Variants in WNK2 observed in about 807,000 individuals in gnomAD.
WNK2 encodes serine/threonine-protein kinase WNK2.
WNK2 carries 67 observed loss-of-function variants against 192.1 expected under a neutral mutation model. The observed-to-expected ratio is 0.35, with a 90% CI of 0.29 to 0.43. WNK2 has a LOEUF of 0.43. WNK2 is among the 20% of genes least tolerant of loss of function. WNK2 has a pLI of 1.00. For synonymous variants in WNK2, 1,439 were observed against 1,393.9 expected, an observed-to-expected ratio of 1.03 and a Z score of -0.72; for missense variants, 2,698 against 3,089.7, an observed-to-expected ratio of 0.87 and a Z score of 3.01.
In WNK2 at chr9:93,252,929, C is replaced by G; in HGVS notation, c.1881C>G (p.Asp627Glu). The change falls in exon 9 of 30, where the codon GAC becomes GAG. Residue 627 changes from aspartate to glutamate, a missense_variant. Transcript: ENST00000427277. ...DSGQGSTVYS[D>E]SQSSQQSVML... ...GCCAGGGCTCTACCGTGTACTCAGA[C>G]TCGCAGAGCAGCCAGCAGAGCGTGA... 11 of 1,573,544 alleles carry G rather than the reference C, an allele frequency of 7.0e-6. No individual in the cohort carries two copies. The highest frequency in any genetic ancestry group is 9.5e-6 in the Non-Finnish European group (11 of 1,160,998).
intron 19 of WNK2, among the ~76,000 whole-genome samples, chr9:93,287,362 C>G (rs114668041): frequency 6.6e-6 from 1 of 152,142 alleles, no homozygotes; most frequent in Non-Finnish European, 1.5e-5. Flanking sequence ...CGGGCCTGCA[C>G]GCACTGTGCC....
At chr9:93,245,944 C>T (rs144844991) in intron 7 of WNK2, among the ~76,000 whole-genome samples, 1 of 152,144 alleles carries the variant, frequency 6.6e-6, no homozygotes, top group South Asian at 2.1e-4. Flanking sequence ...ATGGCTTCCC[C>T]TAGAGCAGAT....
intron 19 of WNK2, among the ~76,000 whole-genome samples, chr9:93,275,451 T>A (rs1179618386): frequency 6.6e-6 from 1 of 151,840 alleles, no homozygotes. Context: ...ACTTCTTCAG[T>A]CTGATTAATT....
At chr9:93,281,020 T>C (rs1324606260) in intron 19 of WNK2, among the ~76,000 whole-genome samples, 1 of 152,064 alleles carries the variant, frequency 6.6e-6, no homozygotes, top group African/African-American at 2.4e-5. Context: ...TTCTAGAAAA[T>C]GCAGTTATTT....
chr9:93,317,452 GGCCACTAAGGGAGGCCAGCTGATTGCA>G (rs1854898257), intron 28 of WNK2, 41 bp from the exon 29 acceptor site: 1 of 1,502,638 alleles, frequency 6.7e-7, no homozygotes, highest in East Asian at 2.3e-5. Context: ...GCACCCTGGG[GGCCACTAAGGGAGGCCAGCTGATTGCA>G]GCCACGTGTA....
At chr9:93,231,635 C>T (rs1838828287) in intron 4 of WNK2, among the ~76,000 whole-genome samples, 2 of 152,214 alleles carry the variant, frequency 1.3e-5, no homozygotes, top group African/African-American at 4.8e-5. Flanking sequence ...CTGGGGAATC[C>T]ACATACCTGC....
chr9:93,210,159 G>A (rs890063872), intron 2 of WNK2, among the ~76,000 whole-genome samples: 66 of 152,142 alleles, frequency 4.3e-4, no homozygotes, highest in Admixed American at 3.3e-4. Context: ...CTGTCCCCAC[G>A]TGAGTGACTT....
intron 2 of WNK2, among the ~76,000 whole-genome samples, chr9:93,208,711 GTGTA>G (rs1563989651): frequency 1.7e-3 from 1 of 574 alleles, no homozygotes; most frequent in East Asian, 0.036. Flanking sequence ...TGCGTGTTCT[GTGTA>G]TGCTCTTCGT....
intron 23 of WNK2, among the ~76,000 whole-genome samples, chr9:93,295,756 A>G (rs1435439767): frequency 4.0e-5 from 3 of 74,694 alleles, no homozygotes; most frequent in Non-Finnish European, 5.1e-5. Context: ...TCCCCTCTCT[A>G]TCCTCCCCTC....
chr9:93,244,369 G>A (rs756068450), intron 7 of WNK2, among the ~76,000 whole-genome samples: 16 of 152,166 alleles, frequency 1.1e-4, no homozygotes, highest in Non-Finnish European at 2.2e-4. Context: ...ACCCCCAAGG[G>A]GATTCCCAGC....
intron 24 of WNK2, 101 bp from the exon 25 acceptor site, chr9:93,298,969 C>G: frequency 7.6e-7 from 1 of 1,307,492 alleles, no homozygotes; most frequent in Non-Finnish European, 1.0e-6. Context: ...GTGAGCTTCC[C>G]CAAGGTCACC....
rs1048615194 is a variant in WNK2, at chr9:93,289,686, G to C, written c.4866+66G>C. On this transcript the variant is annotated intron_variant, in intron 20 of 29. Coordinates refer to ENST00000427277, the MANE Select transcript of WNK2 (RefSeq NM_006648.4). ...GGGGCCGGAGCCCGGGCGCAGGCCC[G>C]GGGGTGGGCAGGCATCTTGGCTATG... 2.2e-5 allele frequency: 31 copies of C among 1,396,340 alleles called. 1 individual carries two copies. The East Asian group carries it at 3.3e-4, about 15-fold the overall frequency. The allele number at this position is 1,396,340 out of a possible 1,614,324, so 86.5% of individuals were successfully genotyped here.
At chr9:93,295,629 A>G (rs55643343) in intron 23 of WNK2, among the ~76,000 whole-genome samples, 12,470 of 151,932 alleles carry the variant, frequency 0.082, 741 homozygotes, top group African/African-American at 0.16. Flanking sequence ...GGGTGGCCTT[A>G]GGCCTTGCAG....
chr9:93,276,636 C>T (rs1276686571), intron 19 of WNK2, among the ~76,000 whole-genome samples: 1 of 152,204 alleles, frequency 6.6e-6, no homozygotes, highest in Non-Finnish European at 1.5e-5. Context: ...AATGAAAAGA[C>T]AAGCTACAGA....
chr9:93,308,502 C>A lies in WNK2; in HGVS notation c.6434C>A (p.Thr2145Lys), dbSNP rs771040278. The change falls in exon 28 of 30, where the codon ACG (threonine) becomes AAG (lysine). Residue 2145 changes from threonine to lysine, a missense_variant. This residue lies in a region of WNK2 where 167 missense variants were observed against 184.2 expected (regional missense o/e 0.91). Coordinates refer to ENST00000427277, the MANE Select transcript of WNK2 (RefSeq NM_006648.4). The stretch of plus-strand genomic sequence containing the variant: ...GTGGGGGCCGCGCAGCTGAAGCCCA[C>A]GCTCAACCAGCTGAAGCAGACCCAG... ...KTVGAAQLKP[T>K]LNQLKQTQKL... 2 of 1,607,638 alleles carry A rather than the reference C, an allele frequency of 1.2e-6. No individual in the cohort carries two copies. Among genetic ancestry groups the A allele is most frequent in the Non-Finnish European group, 1.7e-6 (2 of 1,177,704 alleles).
chr9:93,282,473 AAAC>A (rs1423887270), intron 19 of WNK2, among the ~76,000 whole-genome samples: 1 of 152,130 alleles, frequency 6.6e-6, no homozygotes, highest in African/African-American at 2.4e-5. Flanking sequence ...GAAAAAAAAA[AAAC>A]AGAACAAAGA....
At position 93,201,183 on chromosome 9, in the gene WNK2, G is replaced by A. The variant is rs191460797; in HGVS notation, c.681+15573G>A. Among the ~76,000 whole-genome samples, 45 of 152,248 alleles carry A rather than the reference G, an allele frequency of 3.0e-4. No homozygotes were observed. The East Asian group carries it at 5.8e-3, about 20-fold the overall frequency. Reference sequence around the variant, plus strand: ...GTCCTGCTTGGGATGAGTCTGTGTGGCCCTGGCTCTTAACAGCCCCTCTGT... The same window carrying A: ...GTCCTGCTTGGGATGAGTCTGTGTGACCCTGGCTCTTAACAGCCCCTCTGT... On this transcript the variant is annotated intron_variant, in intron 2 of 29. Coordinates refer to ENST00000427277, the MANE Select transcript of WNK2 (RefSeq NM_006648.4).
intron 2 of WNK2, among the ~76,000 whole-genome samples, chr9:93,197,769 T>G (rs984402802): frequency 6.6e-6 from 1 of 152,146 alleles, no homozygotes; most frequent in Non-Finnish European, 1.5e-5. Context: ...GTGATCTGCC[T>G]GCCTCGGCCT....
chr9:93,287,570 A>G (rs1588447940), intron 19 of WNK2, among the ~76,000 whole-genome samples: 2 of 152,188 alleles, frequency 1.3e-5, no homozygotes, highest in East Asian at 3.8e-4. Flanking sequence ...AGACAGACGA[A>G]CGGTAAGGCC....
Sources: allele counts gnomAD v4.1 joint callset (sites outside exome capture counted in the v4.1 genomes callset), GRCh38; gene constraint gnomAD v4.1.1; regional missense constraint gnomAD v4.1.1; transcripts MANE v1.5; gene names NCBI Gene and HGNC (gene_info 2026-07-23, HGNC 2026-07-21).